The following DAB1 variants were observed in gnomAD, a reference collection of about 807,000 sequenced individuals.
DAB1 encodes the protein DAB adaptor protein 1.
DAB1 carries 15 observed loss-of-function variants against 64.6 expected under a neutral mutation model. The ratio of observed to expected loss-of-function variants is 0.23; its 90% CI spans 0.16 to 0.36. DAB1 has a LOEUF of 0.36. Ranked by LOEUF, DAB1 falls within the 10% of genes least tolerant of loss-of-function variation. The pLI is 1.00. For synonymous variants in DAB1, 235 were observed against 251.9 expected, an observed-to-expected ratio of 0.93 and a Z score of 0.64; for missense variants, 596 against 706.7, an observed-to-expected ratio of 0.84 and a Z score of 1.78.
At chr1:58,220,249 T>C (rs1240689313) in intron 4 of DAB1, among the ~76,000 whole-genome samples, 1 of 152,182 alleles carries the variant, frequency 6.6e-6, no homozygotes, top group East Asian at 1.9e-4. Context: ...ATTCTCTATT[T>C]TGGCTTCATA....
chr1:58,468,875 G>A (rs552727537), intron 3 of DAB1: 4 of 213,278 alleles, frequency 1.9e-5, no homozygotes, highest in Admixed American at 6.5e-5. Flanking sequence ...TGTCAGTCAT[G>A]CATGCCACAG....
At chr1:58,256,335 A>G (rs986525870) in intron 4 of DAB1, among the ~76,000 whole-genome samples, 2 of 152,168 alleles carry the variant, frequency 1.3e-5, no homozygotes, top group African/African-American at 4.8e-5. Flanking sequence ...CCTTGCAACT[A>G]CGAGCTTCTT....
At chr1:57,118,001 G>A (rs1656293350) in intron 4 of DAB1, among the ~76,000 whole-genome samples, 1 of 152,184 alleles carries the variant, frequency 6.6e-6, no homozygotes, top group Non-Finnish European at 1.5e-5. Flanking sequence ...AGGCTGAAGT[G>A]AGGACACAGC....
intron 5 of DAB1, among the ~76,000 whole-genome samples, chr1:58,132,645 T>C (rs980770029): frequency 1.3e-5 from 2 of 152,122 alleles, no homozygotes; most frequent in African/African-American, 4.8e-5. Flanking sequence ...CACTTCTTGT[T>C]TTCTCCCTAG....
downstream of DAB1, among the ~76,000 whole-genome samples, chr1:57,825,822 T>A (rs1652326059): frequency 6.6e-6 from 1 of 152,162 alleles, no homozygotes; most frequent in Non-Finnish European, 1.5e-5. Flanking sequence ...TCAGGTCAGG[T>A]CCCACAAGTG....
intron 5 of DAB1, among the ~76,000 whole-genome samples, chr1:58,130,566 A>T (rs1653478893): frequency 6.6e-6 from 1 of 151,976 alleles, no homozygotes; most frequent in African/African-American, 2.4e-5. Context: ...TGGTCTTTAC[A>T]TTTTGGCATG....
intron 4 of DAB1, among the ~76,000 whole-genome samples, chr1:58,337,225 T>C (rs2100501171): frequency 6.8e-6 from 1 of 147,422 alleles, no homozygotes; most frequent in East Asian, 2.0e-4. Context: ...GAGGTTGCAA[T>C]GAGCAGAGAT....
chr1:58,085,363 A>G (rs981790752), intron 5 of DAB1, among the ~76,000 whole-genome samples: 12 of 152,144 alleles, frequency 7.9e-5, no homozygotes, highest in African/African-American at 2.9e-4. Flanking sequence ...AACATTATGT[A>G]TAACTTTATT....
At chr1:58,064,281 A>C (rs1404596148) in intron 5 of DAB1, among the ~76,000 whole-genome samples, 1 of 152,194 alleles carries the variant, frequency 6.6e-6, no homozygotes, top group Non-Finnish European at 1.5e-5. Context: ...GAGAAATGTG[A>C]AAAAATATGG....
At chr1:57,527,807 C>T in intron 7 of DAB1, among the ~76,000 whole-genome samples, 1 of 152,102 alleles carries the variant, frequency 6.6e-6, no homozygotes, top group East Asian at 1.9e-4. Flanking sequence ...TGAGAAAGAA[C>T]CAGGCAGACT....
intron 5 of DAB1, among the ~76,000 whole-genome samples, chr1:58,019,387 C>A (rs1646785419): frequency 6.6e-6 from 1 of 152,050 alleles, no homozygotes; most frequent in African/African-American, 2.4e-5. Context: ...CTATTAATAA[C>A]TTTTACCTCA....
intron 3 of DAB1, among the ~76,000 whole-genome samples, chr1:57,141,226 C>T (rs1658562098): frequency 6.6e-6 from 1 of 152,134 alleles, no homozygotes; most frequent in Non-Finnish European, 1.5e-5. Flanking sequence ...TTTCTCTGTC[C>T]TGTTTTTGAC....
intron 7 of DAB1, among the ~76,000 whole-genome samples, chr1:57,464,993 C>T (rs1161848007): frequency 2.6e-5 from 4 of 151,880 alleles, no homozygotes; most frequent in African/African-American, 9.7e-5. Context: ...GGCAACGTTA[C>T]AAAGCTCAAG....
At chr1:57,322,000 CAA>C (rs1252458468) in intron 1 of DAB1, among the ~76,000 whole-genome samples, 1 of 152,220 alleles carries the variant, frequency 6.6e-6, no homozygotes, top group Non-Finnish European at 1.5e-5. Context: ...CTCACTGGCA[CAA>C]AGTCTTTCCG....
intron 7 of DAB1, among the ~76,000 whole-genome samples, chr1:57,538,656 GCAGGGTCCT>G (rs1168390684): frequency 2.0e-5 from 3 of 152,172 alleles, no homozygotes; most frequent in Admixed American, 6.5e-5. Context: ...AGAACAGAGA[GCAGGGTCCT>G]CTGCCCTCCA....
intron 7 of DAB1, among the ~76,000 whole-genome samples, chr1:57,506,160 T>C (rs1303862834): frequency 6.6e-6 from 1 of 152,124 alleles, no homozygotes; most frequent in East Asian, 1.9e-4. Flanking sequence ...GCTGTTGAAA[T>C]GATTTGATTT....
chr1:57,285,991 C>A (rs1672287312), intron 2 of DAB1, among the ~76,000 whole-genome samples: 1 of 152,194 alleles, frequency 6.6e-6, no homozygotes, highest in Admixed American at 6.5e-5. Flanking sequence ...AATTCCACTT[C>A]TGGAATGGGC....
At chr1:58,195,840 A>G (rs1053218874) in intron 4 of DAB1, among the ~76,000 whole-genome samples, 22 of 152,226 alleles carry the variant, frequency 1.4e-4, no homozygotes, top group African/African-American at 4.8e-4. Flanking sequence ...CAATAGCCCT[A>G]ACAGGAAGTA....
intron 2 of DAB1, among the ~76,000 whole-genome samples, chr1:57,281,860 T>C (rs1298131904): frequency 1.3e-5 from 2 of 151,978 alleles, no homozygotes; most frequent in Non-Finnish European, 2.9e-5. Context: ...TCACATGAAT[T>C]GATAATCAGT....
Sources: gnomAD v4.1 joint callset for allele counts (sites outside exome capture counted in the v4.1 genomes callset) on GRCh38, gnomAD v4.1.1 for gene constraint, MANE v1.5 for transcripts, NCBI Gene and HGNC (gene_info 2026-07-23, HGNC 2026-07-21) for gene names.